Variants in NPAS3 observed in about 807,000 individuals in gnomAD.
NPAS3 encodes the protein neuronal PAS domain-containing protein 3.
Under a neutral mutation model 73.1 loss-of-function variants are expected in NPAS3, and 14 were observed. The observed-to-expected ratio is 0.19, with a 90% CI of 0.13 to 0.30. The LOEUF is 0.30. NPAS3 is among the 10% of genes least tolerant of loss of function. The pLI, the probability that NPAS3 is intolerant of heterozygous loss-of-function variation, is 1.00. For synonymous variants in NPAS3, 620 were observed against 541.5 expected, an observed-to-expected ratio of 1.14 and a Z score of -2.01; for missense variants, 1,096 against 1,250.0, an observed-to-expected ratio of 0.88 and a Z score of 1.86.
At chr14:33,596,407 T>A (rs1219872557) in intron 5 of NPAS3, among the ~76,000 whole-genome samples, 2 of 152,250 alleles carry the variant, frequency 1.3e-5, no homozygotes, top group Non-Finnish European at 2.9e-5. Flanking sequence ...TATTGCTTCT[T>A]CTTTTGTACC....
chr14:33,045,291 T>G (rs1360109639), intron 1 of NPAS3, among the ~76,000 whole-genome samples: 2 of 152,164 alleles, frequency 1.3e-5, no homozygotes, highest in African/African-American at 2.4e-5. Context: ...CTATTTTCCA[T>G]CTGTATCTTT....
chr14:33,119,855 A>G (rs901164749), intron 2 of NPAS3, among the ~76,000 whole-genome samples: 5 of 152,154 alleles, frequency 3.3e-5, no homozygotes, highest in African/African-American at 1.2e-4. Flanking sequence ...TTAGAGGGTC[A>G]ATAGATAAAA....
chr14:33,459,989 A>G (rs1294420461), intron 4 of NPAS3, among the ~76,000 whole-genome samples: 1 of 152,338 alleles, frequency 6.6e-6, no homozygotes, highest in East Asian at 1.9e-4. Context: ...TATATGCTGA[A>G]TGAGTGAATG....
chr14:33,486,499 C>T (rs1428335347), intron 4 of NPAS3, among the ~76,000 whole-genome samples: 1 of 152,180 alleles, frequency 6.6e-6, no homozygotes, highest in Non-Finnish European at 1.5e-5. Flanking sequence ...AGGACAGTGG[C>T]TAAGTTTTAT....
chr14:33,498,455 A>G (rs1052816472), intron 4 of NPAS3, among the ~76,000 whole-genome samples: 1 of 152,196 alleles, frequency 6.6e-6, no homozygotes, highest in Non-Finnish European at 1.5e-5. Context: ...ATGCCCATCA[A>G]TGATAGACTG....
chr14:32,951,946 A>G lies in NPAS3; in HGVS notation c.50+12580A>G, dbSNP rs544877784. Among the ~76,000 whole-genome samples, 3 of 152,174 alleles carry G rather than the reference A, an allele frequency of 2.0e-5. No individual in the cohort carries two copies. In the South Asian group the frequency reaches 6.2e-4, roughly 32 times the overall value. On this transcript the variant is annotated intron_variant, in intron 1 of 11. Transcript: ENST00000356141. ...TTTACGAGTGGATAAGATTTCTTAC[A>G]TCTAGTAAATTAATGACTTTTAAAA... is the stretch of plus-strand genomic sequence containing the variant.
chr14:33,792,456 A>G (rs1249713825), intron 9 of NPAS3, among the ~76,000 whole-genome samples: 1 of 152,144 alleles, frequency 6.6e-6, no homozygotes, highest in African/African-American at 2.4e-5. Context: ...TTATGGATGT[A>G]ATAGATGGAT....
At chr14:33,507,714 T>C (rs768075124) in intron 4 of NPAS3, among the ~76,000 whole-genome samples, 17 of 152,142 alleles carry the variant, frequency 1.1e-4, no homozygotes, top group Non-Finnish European at 2.4e-4. Flanking sequence ...TCGAGTTCTG[T>C]TTGCAAAACA....
intron 4 of NPAS3, among the ~76,000 whole-genome samples, chr14:33,394,476 T>G (rs2047138455): frequency 6.6e-6 from 1 of 152,204 alleles, no homozygotes; most frequent in Non-Finnish European, 1.5e-5. Context: ...GATCTTATTC[T>G]ATAATCCCCA....
intron 5 of NPAS3, among the ~76,000 whole-genome samples, chr14:33,656,725 T>C (rs1324048486): frequency 1.3e-5 from 2 of 152,156 alleles, no homozygotes; most frequent in African/African-American, 4.8e-5. Flanking sequence ...GTGAGAGCAC[T>C]TAAGATCTAC....
chr14:33,519,633 C>T (rs893835838), intron 4 of NPAS3, among the ~76,000 whole-genome samples: 4 of 152,144 alleles, frequency 2.6e-5, no homozygotes, highest in Admixed American at 2.6e-4. Context: ...AGATACATGG[C>T]TTGTAAAGTT....
chr14:33,718,252 G>A (rs974804260), intron 6 of NPAS3, among the ~76,000 whole-genome samples: 8 of 151,950 alleles, frequency 5.3e-5, no homozygotes, highest in African/African-American at 1.7e-4. Context: ...TAATTTTTAT[G>A]TATTTTTCTC....
intron 2 of NPAS3, among the ~76,000 whole-genome samples, chr14:33,116,075 G>A (rs1341702431): frequency 6.6e-6 from 1 of 151,972 alleles, no homozygotes; most frequent in East Asian, 1.9e-4. Context: ...AAAAGAGTCA[G>A]CTTTAAAATC....
chr14:33,134,777 C>A (rs372054352), intron 2 of NPAS3, among the ~76,000 whole-genome samples: 1 of 152,106 alleles, frequency 6.6e-6, no homozygotes, highest in East Asian at 1.9e-4. Flanking sequence ...GTACCTAATA[C>A]CCTATTACTG....
chr14:33,674,142 C>T (rs2059687898), intron 5 of NPAS3, among the ~76,000 whole-genome samples: 3 of 152,248 alleles, frequency 2.0e-5, no homozygotes, highest in African/African-American at 7.2e-5. Context: ...ATCTGCACAT[C>T]CGAGCAAATC....
intron 5 of NPAS3, among the ~76,000 whole-genome samples, chr14:33,610,628 T>C (rs2057721106): frequency 6.6e-6 from 1 of 152,242 alleles, no homozygotes; most frequent in Non-Finnish European, 1.5e-5. Flanking sequence ...ATGTGATCCA[T>C]GAAATAAGGA....
intron 2 of NPAS3, among the ~76,000 whole-genome samples, chr14:33,057,260 GT>G (rs2040923336): frequency 6.6e-6 from 1 of 151,946 alleles, no homozygotes; most frequent in African/African-American, 2.4e-5. Flanking sequence ...AGTGTTACTA[GT>G]TTTATCCGAA....
At chr14:33,699,200 G>C (rs545303452) in intron 6 of NPAS3, among the ~76,000 whole-genome samples, 3,117 of 152,114 alleles carry the variant, frequency 0.02, 89 homozygotes, top group African/African-American at 0.071. Context: ...GTTTTTAATT[G>C]CTAGAAAATA....
chr14:33,262,434 T>A (rs530275374), intron 3 of NPAS3, among the ~76,000 whole-genome samples: 176 of 152,214 alleles, frequency 1.2e-3, no homozygotes, highest in Non-Finnish European at 2.1e-3. Context: ...TGAGCAGCAT[T>A]CCAGGACCTG....
Sources: gnomAD v4.1 joint callset for allele counts (sites outside exome capture counted in the v4.1 genomes callset) on GRCh38, gnomAD v4.1.1 for gene constraint, MANE v1.5 for transcripts, NCBI Gene and HGNC (gene_info 2026-07-23, HGNC 2026-07-21) for gene names.